Variants in CDH23 observed in about 807,000 individuals in gnomAD.
CDH23 encodes the protein cadherin-23.
A neutral mutation model predicts 317.1 loss-of-function variants in CDH23; 189 were observed. That is an observed-to-expected ratio of 0.60 (90% CI 0.53 to 0.67). CDH23 has a LOEUF of 0.67. CDH23 is among the 30% of genes least tolerant of loss of function. The pLI, the probability that CDH23 is intolerant of heterozygous loss-of-function variation, is 0.00. For missense variants in CDH23, 4,401 were observed against 4,592.4 expected, an observed-to-expected ratio of 0.96 and a Z score of 1.20; for synonymous variants, 1,839 against 1,876.8, an observed-to-expected ratio of 0.98 and a Z score of 0.52.
chr10:71,752,991 G>A, intron 38 of CDH23: 1 of 1,613,054 alleles, frequency 6.2e-7, no homozygotes, highest in Non-Finnish European at 8.5e-7. Context: ...ATCCGCACCA[G>A]CTCCTGGGCA....
chr10:71,432,139 A>G (rs1849400843), intron 1 of CDH23, among the ~76,000 whole-genome samples: 1 of 151,336 alleles, frequency 6.6e-6, no homozygotes, highest in African/African-American at 2.4e-5. Context: ...AGGGTTGTGC[A>G]GTGGGGTGGG....
chr10:71,716,132 C>A, intron 28 of CDH23: 2 of 1,549,756 alleles, frequency 1.3e-6, no homozygotes, highest in South Asian at 1.2e-5. Flanking sequence ...GTGAGCCCTG[C>A]GGCGGCTCGG....
chr10:71,699,213 A>T (rs1420979834), intron 22 of CDH23, among the ~76,000 whole-genome samples: 1 of 152,264 alleles, frequency 6.6e-6, no homozygotes, highest in Non-Finnish European at 1.5e-5. Flanking sequence ...GTTGTTGAGG[A>T]CTGATACAGC....
chr10:71,481,302 A>G (rs1852051161), intron 3 of CDH23, among the ~76,000 whole-genome samples: 3 of 152,200 alleles, frequency 2.0e-5, no homozygotes. Context: ...AGCAGCCAGG[A>G]TGAGCGAAGG....
At chr10:71,413,808 ACAGG>A (rs1848430173) in intron 1 of CDH23, among the ~76,000 whole-genome samples, 1 of 152,170 alleles carries the variant, frequency 6.6e-6, no homozygotes, top group East Asian at 1.9e-4. Flanking sequence ...AGCTGAGACT[ACAGG>A]CATGTGACAC....
At chr10:71,553,697 C>T (rs978937366) in intron 6 of CDH23, among the ~76,000 whole-genome samples, 46 of 152,214 alleles carry the variant, frequency 3.0e-4, no homozygotes, top group African/African-American at 9.4e-4. Flanking sequence ...ATGTAAGGCC[C>T]GCCCTGAGGA....
At chr10:71,592,507 CT>C (rs1302304716) in intron 9 of CDH23, among the ~76,000 whole-genome samples, 1 of 152,160 alleles carries the variant, frequency 6.6e-6, no homozygotes, top group African/African-American at 2.4e-5. Flanking sequence ...TCTTCCACCT[CT>C]TCTGGTGGCT....
intron 3 of CDH23, among the ~76,000 whole-genome samples, chr10:71,467,789 C>T (rs935491380): frequency 2.0e-5 from 3 of 152,168 alleles, no homozygotes; most frequent in South Asian, 2.1e-4. Flanking sequence ...TTATGTGTAT[C>T]GGCTCATGTT....
At chr10:71,473,448 T>C (rs1851622146) in intron 3 of CDH23, among the ~76,000 whole-genome samples, 1 of 152,164 alleles carries the variant, frequency 6.6e-6, no homozygotes, top group Admixed American at 6.5e-5. Context: ...TGGTATACGA[T>C]GGGGCTGGCA....
chr10:71,792,807 G>T (rs1841286591), intron 47 of CDH23, among the ~76,000 whole-genome samples: 1 of 109,672 alleles, frequency 9.1e-6, no homozygotes, highest in African/African-American at 3.5e-5. Context: ...AGGTGACAGT[G>T]TAAGACTCCA....
At chr10:71,784,482 T>C (rs1456281271) in intron 42 of CDH23, 62 bp downstream of exon 42, 24 of 1,572,962 alleles carry the variant, frequency 1.5e-5, no homozygotes, top group Middle Eastern at 1.7e-4. Context: ...CCACAGAGAT[T>C]CTTGTAAACA....
At chr10:71,641,404 G>T (rs894646771) in intron 11 of CDH23, among the ~76,000 whole-genome samples, 1 of 152,180 alleles carries the variant, frequency 6.6e-6, no homozygotes, top group African/African-American at 2.4e-5. Flanking sequence ...AGCTCAGAGT[G>T]GCTCCGTCTC....
intron 3 of CDH23, among the ~76,000 whole-genome samples, chr10:71,474,237 A>G (rs984643777): frequency 6.6e-6 from 1 of 152,190 alleles, no homozygotes; most frequent in Non-Finnish European, 1.5e-5. Flanking sequence ...GGTGGGGCCA[A>G]AGGGAAAATC....
At chr10:71,584,481 A>G (rs904890809) in intron 9 of CDH23, among the ~76,000 whole-genome samples, 2 of 152,024 alleles carry the variant, frequency 1.3e-5, no homozygotes, top group African/African-American at 4.8e-5. Flanking sequence ...GAGGAGGTAC[A>G]TTGAGTGCTT....
intron 25 of CDH23, among the ~76,000 whole-genome samples, chr10:71,705,688 G>A (rs1865760746): frequency 6.6e-6 from 1 of 152,206 alleles, no homozygotes; most frequent in South Asian, 2.1e-4. Context: ...ATTGGTGAAG[G>A]GACGGGGTAC....
At chr10:71,793,692 C>T (rs1228829338) in intron 48 of CDH23, 52 bp downstream of exon 48, 1 of 1,294,396 alleles carries the variant, frequency 7.7e-7, no homozygotes, top group Admixed American at 2.4e-5. Context: ...AGTCCTGTCT[C>T]CTCGCTCCCT....
intron 47 of CDH23, 140 bp from the exon 48 acceptor site, chr10:71,793,042 G>A (rs772290319): frequency 1.9e-5 from 11 of 567,286 alleles, no homozygotes; most frequent in Non-Finnish European, 3.4e-5. Flanking sequence ...AAAATTGCAA[G>A]TATGAAAAAG....
intron 14 of CDH23, among the ~76,000 whole-genome samples, chr10:71,660,565 C>G (rs1014820382): frequency 6.6e-6 from 1 of 152,120 alleles, no homozygotes; most frequent in African/African-American, 2.4e-5. Flanking sequence ...AGGATACCTC[C>G]TGGAAGTGCT....
chr10:71,571,430 G>C (rs1265217984), intron 8 of CDH23, among the ~76,000 whole-genome samples: 4 of 152,228 alleles, frequency 2.6e-5, no homozygotes, highest in Admixed American at 6.5e-5. Context: ...CCAGTCTTTG[G>C]ATTTCTTAAG....
Sources: allele counts gnomAD v4.1 joint callset (sites outside exome capture counted in the v4.1 genomes callset), GRCh38; gene constraint gnomAD v4.1.1; transcripts MANE v1.5; gene names NCBI Gene and HGNC (gene_info 2026-07-23, HGNC 2026-07-21).